The following MYO7A variants were observed in gnomAD, a reference collection of about 807,000 sequenced individuals.
MYO7A encodes myosin VIIA, also known as unconventional myosin-VIIa.
A neutral mutation model predicts 263.8 loss-of-function variants in MYO7A; 210 were observed. That is an observed-to-expected ratio of 0.80 (90% CI 0.71 to 0.89). MYO7A has a LOEUF of 0.89. Among genes scored for constraint, MYO7A ranks in the 40% least tolerant of loss-of-function variants. The probability of loss-of-function intolerance (pLI) is 0.00; values close to 1 mark genes in which losing one functional copy is unlikely to be tolerated. For missense variants in MYO7A, 2,820 were observed against 2,968.3 expected, an observed-to-expected ratio of 0.95 and a Z score of 1.16; for synonymous variants, 1,239 against 1,197.3, an observed-to-expected ratio of 1.03 and a Z score of -0.72.
intron 30 of MYO7A, chr11:77,191,197 G>A (rs1459301812): frequency 5.1e-6 from 1 of 194,414 alleles, no homozygotes; most frequent in Non-Finnish European, 1.1e-5. Flanking sequence ...GCGCACGCCT[G>A]TAGTCCCAGC....
chr11:77,180,280 C>T, intron 21 of MYO7A, 94 bp from the exon 22 acceptor site: 2 of 666,580 alleles, frequency 3.0e-6, no homozygotes. Context: ...ATGCCCAGTT[C>T]CAGAACTCAG....
rs782505601 is a variant in MYO7A, at chr11:77,158,301, C to T, written c.874C>T (p.Arg292Trp). The T allele has an allele frequency of 3.1e-5, 50 of 1,609,332 alleles. No homozygotes were observed. The highest frequency in any genetic ancestry group is 2.9e-4 in the East Asian group (13 of 44,782). Residue 292 changes from arginine to tryptophan, a missense_variant, in exon 9 of 49, where the codon CGG becomes TGG. Physicochemically the swap from Arg to Trp is moderately radical, Grantham distance 101. Transcript: ENST00000409709. ...GGGTAACTGCATAACCTGTGAGGGC[C>T]GGGTGGACAGCCAGGAGTACGCCAA... ...AMGNCITCEGRVDSQEYANIR... is the reference protein window; with the variant it reads ...AMGNCITCEGWVDSQEYANIR...
chr11:77,163,527 T>C (rs1953220789), intron 14 of MYO7A, among the ~76,000 whole-genome samples: 1 of 152,244 alleles, frequency 6.6e-6, no homozygotes. Flanking sequence ...GTTCTTGTAC[T>C]AAATACTGTA....
At position 77,179,839 on chromosome 11, in the gene MYO7A, C is replaced by G; in HGVS notation, c.2472C>G (p.Cys824Trp). The change falls in exon 21 of 49, where the codon TGC becomes TGG. Residue 824 changes from cysteine to tryptophan, a missense_variant. Transcript: ENST00000409709. ...GCATCATCCAGTTCCAGGCCCGCTGCCGCGCCTATCTGGTGCGCAAGGCCT... is the reference window on the plus strand; with the variant it reads ...GCATCATCCAGTTCCAGGCCCGCTGGCGCGCCTATCTGGTGCGCAAGGCCT... ...RQRIIQFQAR[C>W]RAYLVRKAFR... The G allele has an allele frequency of 6.5e-7, 1 of 1,543,150 alleles. No homozygotes were observed. Among genetic ancestry groups the G allele is most frequent in the South Asian group, 1.2e-5 (1 of 84,022 alleles).
At chr11:77,130,698 AT>A in intron 2 of MYO7A, 46 bp downstream of exon 2, 1 of 1,602,900 alleles carries the variant, frequency 6.2e-7, no homozygotes, top group Non-Finnish European at 8.5e-7. Context: ...CCCAGGCCAT[AT>A]CCCCTCATCC....
rs993131375 is a variant in MYO7A at position 77,179,516 on chromosome 11, G to T, written c.2368-219G>T. Among the ~76,000 whole-genome samples, 3 of 152,236 alleles carry T rather than the reference G, an allele frequency of 2.0e-5. No individual in the cohort carries two copies. In the East Asian group the frequency reaches 5.8e-4, roughly 29 times the overall value. On this transcript the variant is annotated intron_variant, in intron 20 of 48. Transcript: ENST00000409709. ...CTCCTGATCTAGGATTCTCTTGGGG[G>T]CCCCAACTCAGGGAGAGTCAAGGTC...
At chr11:77,136,593 A>G (rs1950912125) in intron 2 of MYO7A, among the ~76,000 whole-genome samples, 1 of 152,068 alleles carries the variant, frequency 6.6e-6, no homozygotes, top group Non-Finnish European at 1.5e-5. Flanking sequence ...GTCACCCCTA[A>G]CACGACTCCC....
chr11:77,162,309 T>C lies in MYO7A; in HGVS notation c.1533T>C (p.Asp511=), dbSNP rs1953076940. The C allele has an allele frequency of 1.9e-6, 3 of 1,551,702 alleles. No individual in the cohort carries two copies. The highest frequency in any genetic ancestry group is 2.7e-5 in the African/African-American group (2 of 73,042). Reference sequence around the variant, plus strand: ...CCATGAACATCATCTCCCTCATCGATGAGGAGAGCAAGTTCCCCAAGGTGG... The same window carrying C: ...CCATGAACATCATCTCCCTCATCGACGAGGAGAGCAAGTTCCCCAAGGTGG... The part of the protein sequence containing the change: ...NKPMNIISLI[D]EESKFPKGTD... The change falls in exon 13 of 49, where the codon GAT becomes GAC. Residue 511 remains aspartate (D), a synonymous_variant. Coordinates refer to ENST00000409709, the MANE Select transcript of MYO7A (RefSeq NM_000260.4).
chr11:77,162,111 C>A lies in MYO7A; in HGVS notation c.1344-9C>A, dbSNP rs782467233. 2.3e-5 allele frequency: 36 copies of A among 1,590,718 alleles called. No individual in the cohort carries two copies. The East Asian group carries it at 7.7e-4, about 34-fold the overall frequency. On this transcript the variant is annotated splice_polypyrimidine_tract_variant and intron_variant, in intron 12 of 48. Transcript: ENST00000409709. The stretch of plus-strand genomic sequence containing the variant: ...ACAACACCCTTACCCCATCCCTGTG[C>A]CCCTGCAGCTTTGAGCAGCTCTGCA...
At chr11:77,171,267 G>A (rs1346747630) in intron 15 of MYO7A, among the ~76,000 whole-genome samples, 1 of 152,140 alleles carries the variant, frequency 6.6e-6, no homozygotes, top group Non-Finnish European at 1.5e-5. Flanking sequence ...GTGTGTGCAT[G>A]CGTATGCGTG....
chr11:77,178,630 AG>A (rs1954886862), intron 19 of MYO7A, among the ~76,000 whole-genome samples: 1 of 152,198 alleles, frequency 6.6e-6, no homozygotes, highest in African/African-American at 2.4e-5. Flanking sequence ...TGCTGTGTGC[AG>A]GGGGAACAGC....
intron 31 of MYO7A, 60 bp from the exon 32 acceptor site, chr11:77,194,294 G>A (rs1029651469): frequency 2.5e-5 from 39 of 1,561,554 alleles, no homozygotes; most frequent in Non-Finnish European, 3.3e-5. Context: ...CTTTGGTGGT[G>A]TGGAAGGGCT....
chr11:77,205,924 C>T lies in MYO7A; in HGVS notation c.5637-173C>T, dbSNP rs207472020. Among the ~76,000 whole-genome samples the T allele has an allele frequency of 6.6e-6, 1 of 152,126 alleles. No individual in the cohort carries two copies. The highest frequency in any genetic ancestry group is 1.5e-5 in the Non-Finnish European group (1 of 68,016). ...CTTTGCTGGGCCTCTCCACACCCATCGTCCCATTTTACAGATGAGGAGCTC... is the reference window on the plus strand; with the variant it reads ...CTTTGCTGGGCCTCTCCACACCCATTGTCCCATTTTACAGATGAGGAGCTC... On this transcript the variant is annotated intron_variant, in intron 40 of 48. Coordinates refer to ENST00000409709, the MANE Select transcript of MYO7A (RefSeq NM_000260.4).
intron 15 of MYO7A, among the ~76,000 whole-genome samples, chr11:77,169,025 A>G (rs1555074364): frequency 6.6e-6 from 1 of 152,266 alleles, no homozygotes; most frequent in Non-Finnish European, 1.5e-5. Flanking sequence ...GTCACATCTT[A>G]GGAAAGAAAA....
intron 27 of MYO7A, among the ~76,000 whole-genome samples, chr11:77,185,363 T>C (rs1231458170): frequency 1.3e-5 from 2 of 152,250 alleles, no homozygotes; most frequent in Non-Finnish European, 2.9e-5. Flanking sequence ...CTGCTGCTGC[T>C]TTATCAATTA....
At position 77,177,547 on chromosome 11, in the gene MYO7A, A is replaced by G. The variant is rs782740166; in HGVS notation, c.2188-2A>G. 6.2e-7 allele frequency: 1 copy of G among 1,608,768 alleles called. No individual in the cohort carries two copies. The highest frequency in any genetic ancestry group is 1.1e-5 in the South Asian group (1 of 89,752). On this transcript the variant is annotated splice_acceptor_variant, in intron 18 of 48. Coordinates refer to ENST00000409709, the MANE Select transcript of MYO7A (RefSeq NM_000260.4). LOFTEE classifies it high-confidence loss of function. ...GCGCTGCTCAGGAGCTCTGCCTCCT[A>G]GGACCACCATGACATGCTGCTGGAA...
At chr11:77,144,343 G>C (rs1035351408) in intron 3 of MYO7A, among the ~76,000 whole-genome samples, 20 of 152,200 alleles carry the variant, frequency 1.3e-4, no homozygotes, top group Non-Finnish European at 2.9e-4. Flanking sequence ...AGAGCCCCCA[G>C]GGTGGGGACC....
At chr11:77,198,382 A>C (rs3781692) in intron 33 of MYO7A, 113 bp from the exon 34 acceptor site, 2 of 1,381,104 alleles carry the variant, frequency 1.4e-6, no homozygotes, top group African/African-American at 2.9e-5. Context: ...CTCAGTTTCC[A>C]TATCTATAAA....
chr11:77,212,141 A>G (rs1591510015), intron 46 of MYO7A: 1 of 679,792 alleles, frequency 1.5e-6, no homozygotes, highest in East Asian at 2.8e-5. Context: ...GAAGAAGCTC[A>G]GCCTGGCAGT....
Sources: gnomAD v4.1 joint callset for allele counts (sites outside exome capture counted in the v4.1 genomes callset) on GRCh38, gnomAD v4.1.1 for gene constraint, MANE v1.5 for transcripts, NCBI Gene and HGNC (gene_info 2026-07-23, HGNC 2026-07-21) for gene names.